Variants in LYPD6B observed in about 807,000 individuals in gnomAD.
LYPD6B encodes the protein LY6/PLAUR domain containing 6B, also known as ly6/PLAUR domain-containing protein 6B.
LYPD6B carries 17 observed loss-of-function variants against 22.8 expected under a neutral mutation model. The ratio of observed to expected loss-of-function variants is 0.75; its 90% CI spans 0.51 to 1.12. LYPD6B has a LOEUF of 1.12. Among genes scored for constraint, LYPD6B ranks in the 50% most tolerant of loss-of-function variants. The pLI is 0.00. For missense variants in LYPD6B, 221 were observed against 258.3 expected, an observed-to-expected ratio of 0.86 and a Z score of 0.99; for synonymous variants, 106 against 91.6, an observed-to-expected ratio of 1.16 and a Z score of -0.90.
chr2:149,125,449 G>A (rs992894860), intron 1 of LYPD6B, among the ~76,000 whole-genome samples: 10 of 152,156 alleles, frequency 6.6e-5, no homozygotes, highest in African/African-American at 2.2e-4. Flanking sequence ...ATTCTCTGGA[G>A]AATTTAATTC....
At chr2:149,057,982 A>G (rs574957459) in intron 1 of LYPD6B, among the ~76,000 whole-genome samples, 102 of 152,260 alleles carry the variant, frequency 6.7e-4, no homozygotes, top group South Asian at 1.2e-3. Context: ...GAGGCAGGGA[A>G]AGTATGGAGG....
intron 3 of LYPD6B, among the ~76,000 whole-genome samples, chr2:149,182,575 C>T (rs985827669): frequency 1.3e-5 from 2 of 152,196 alleles, no homozygotes; most frequent in Non-Finnish European, 2.9e-5. Flanking sequence ...GAGATACTCT[C>T]TTGAAAATTA....
chr2:149,136,370 C>T (rs1270532591), intron 2 of LYPD6B, among the ~76,000 whole-genome samples: 3 of 152,110 alleles, frequency 2.0e-5, no homozygotes, highest in Non-Finnish European at 4.4e-5. Flanking sequence ...AAAGAATTAC[C>T]GTGGCTTTTG....
intron 4 of LYPD6B, among the ~76,000 whole-genome samples, chr2:149,207,897 CA>C (rs2106157465): frequency 6.6e-6 from 1 of 152,144 alleles, no homozygotes; most frequent in East Asian, 1.9e-4. Context: ...AAAAATCACA[CA>C]ACTAATCTGT....
intron 2 of LYPD6B, chr2:149,143,818 G>A (rs546154241): frequency 2.0e-5 from 3 of 152,328 alleles, no homozygotes; most frequent in African/African-American, 7.2e-5. Context: ...GCTAGCTATG[G>A]AAATAAGTAG....
chr2:149,106,475 G>T (rs887664977), intron 1 of LYPD6B, among the ~76,000 whole-genome samples: 4 of 152,036 alleles, frequency 2.6e-5, no homozygotes, highest in African/African-American at 7.2e-5. Flanking sequence ...CTATTCAAAG[G>T]TTGCCAGTTT....
At chr2:149,197,019 A>T (rs1299311458) in intron 3 of LYPD6B, among the ~76,000 whole-genome samples, 1 of 152,150 alleles carries the variant, frequency 6.6e-6, no homozygotes, top group Non-Finnish European at 1.5e-5. Flanking sequence ...CTCTTAAGAG[A>T]GCTTTGATTG....
intron 5 of LYPD6B, among the ~76,000 whole-genome samples, chr2:149,212,398 A>AAAAAAAAAAAAAAC (rs1693924666): frequency 6.6e-6 from 1 of 150,686 alleles, no homozygotes; most frequent in South Asian, 2.1e-4. Context: ...AAAAAAAAAA[A>AAAAAAAAAAAAAAC]AAAAAAGAAA....
At chr2:149,177,757 G>A (rs1471380524) in intron 3 of LYPD6B, among the ~76,000 whole-genome samples, 4 of 151,696 alleles carry the variant, frequency 2.6e-5, no homozygotes, top group East Asian at 1.9e-4. Flanking sequence ...GGTGGTTCAC[G>A]AAATCTGCTG....
intron 1 of LYPD6B, among the ~76,000 whole-genome samples, chr2:149,100,261 A>G (rs936136084): frequency 9.9e-5 from 15 of 151,872 alleles, no homozygotes; most frequent in Non-Finnish European, 1.9e-4. Flanking sequence ...GTCACTCCTC[A>G]TCACTTGGCA....
intron 3 of LYPD6B, among the ~76,000 whole-genome samples, chr2:149,166,068 T>G (rs1304559243): frequency 6.6e-6 from 1 of 152,214 alleles, no homozygotes; most frequent in African/African-American, 2.4e-5. Flanking sequence ...TCTCTTTGGT[T>G]GGCAGGCATT....
chr2:149,184,677 A>G (rs1691974223), intron 3 of LYPD6B, among the ~76,000 whole-genome samples: 1 of 152,178 alleles, frequency 6.6e-6, no homozygotes, highest in African/African-American at 2.4e-5. Flanking sequence ...GTGATTTGAC[A>G]TCAGCTTGGT....
At chr2:149,119,220 A>G (rs1687157258) in intron 1 of LYPD6B, 1 of 152,228 alleles carries the variant, frequency 6.6e-6, no homozygotes, top group Non-Finnish European at 1.5e-5. Context: ...TGGCTATGAA[A>G]TGGGAATGGC....
At chr2:149,051,021 A>C (rs1382393534) in intron 1 of LYPD6B, among the ~76,000 whole-genome samples, 1 of 151,866 alleles carries the variant, frequency 6.6e-6, no homozygotes, top group Non-Finnish European at 1.5e-5. Flanking sequence ...TAATCATTAT[A>C]ATTTATTCTA....
intron 1 of LYPD6B, among the ~76,000 whole-genome samples, chr2:149,059,466 A>G (rs1464263233): frequency 1.3e-5 from 2 of 152,240 alleles, no homozygotes; most frequent in African/African-American, 2.4e-5. Context: ...ACCGTTACGA[A>G]AGAAGGATTC....
intron 1 of LYPD6B, among the ~76,000 whole-genome samples, chr2:149,108,612 C>T (rs1347232373): frequency 6.6e-6 from 1 of 152,170 alleles, no homozygotes; most frequent in Admixed American, 6.5e-5. Context: ...TTCCTATAGG[C>T]AGCATATGAT....
In LYPD6B at chr2:149,104,448, C is replaced by G. The variant is rs79364690; in HGVS notation, c.-66-26435C>G. On this transcript the variant is annotated intron_variant, in intron 1 of 6. Coordinates refer to ENST00000409642, the MANE Select transcript of LYPD6B (RefSeq NM_177964.5). The stretch of plus-strand genomic sequence containing the variant: ...TTAAGAGATAAAATGGCTAACATAC[C>G]GTGTGTTGGTAAGGTTGCATCTCCC... 1.2e-4 allele frequency among the ~76,000 whole-genome samples: 19 copies of G among 152,132 alleles called. No homozygotes were observed. In the East Asian group the frequency reaches 3.5e-3, roughly 28 times the overall value.
At chr2:149,085,509 C>A (rs960320914) in intron 1 of LYPD6B, among the ~76,000 whole-genome samples, 2 of 152,190 alleles carry the variant, frequency 1.3e-5, no homozygotes, top group Non-Finnish European at 2.9e-5. Context: ...TTTGGGGTTT[C>A]TTTTGCCTTT....
In LYPD6B at chr2:149,067,562, TG is replaced by T. The variant is rs879334727; in HGVS notation, c.-67+28762del. Among the ~76,000 whole-genome samples, 360 of 139,212 alleles carry T rather than the reference TG, an allele frequency of 2.6e-3. 2 individuals carry two copies. The highest frequency in any genetic ancestry group is 4.8e-3 in the Non-Finnish European group (309 of 63,986). 91.3% of individuals were successfully genotyped at this position (139,212 alleles called of 152,430 possible). ...TTCTGTGTATAATTTTTTAAAACTT[TG>T]TTTTTTTTTTCTGATTGTAGGCATT... On this transcript the variant is annotated intron_variant, in intron 1 of 6. Transcript: ENST00000409642.
Sources: gnomAD v4.1 joint callset for allele counts (sites outside exome capture counted in the v4.1 genomes callset) on GRCh38, gnomAD v4.1.1 for gene constraint, MANE v1.5 for transcripts, NCBI Gene and HGNC (gene_info 2026-07-23, HGNC 2026-07-21) for gene names.